The following PPP6R2 variants were observed in gnomAD, a reference collection of about 807,000 sequenced individuals.
PPP6R2 encodes protein phosphatase 6 regulatory subunit 2, also known as serine/threonine-protein phosphatase 6 regulatory subunit 2.
A neutral mutation model predicts 100.2 loss-of-function variants in PPP6R2; 62 were observed. The observed-to-expected ratio is 0.62, with a 90% CI of 0.50 to 0.76. The LOEUF (loss-of-function observed/expected upper bound fraction) is 0.76. Among genes scored for constraint, PPP6R2 ranks in the 30% least tolerant of loss-of-function variants. The pLI, the probability that PPP6R2 is intolerant of heterozygous loss-of-function variation, is 0.00. For synonymous variants in PPP6R2, 525 were observed against 514.7 expected, an observed-to-expected ratio of 1.02 and a Z score of -0.27; for missense variants, 1,142 against 1,276.3, an observed-to-expected ratio of 0.89 and a Z score of 1.60.
rs2065171675 is a variant in PPP6R2 at position 50,439,717 on chromosome 22, A to G, written c.2145A>G (p.Ala715=). The G allele has an allele frequency of 6.2e-7, 1 of 1,604,968 alleles. No homozygotes were observed. Among genetic ancestry groups the G allele is most frequent in the Non-Finnish European group, 8.5e-7 (1 of 1,175,306 alleles). The change falls in exon 20 of 24, where the codon GCA becomes GCG. Residue 715 remains alanine, a synonymous_variant. Transcript: ENST00000612753. Reference sequence around the variant, plus strand: ...CCCCAGCAGGCGCCATGTGGACGGCAGTGTTTGATGAGCCAGCGAACTCAA... The same window carrying G: ...CCCCAGCAGGCGCCATGTGGACGGCGGTGTTTGATGAGCCAGCGAACTCAA... ...EGDSEGAMWT[A]VFDEPANSTP... is the part of the protein sequence containing the mutation.
intron 2 of PPP6R2, among the ~76,000 whole-genome samples, chr22:50,375,449 A>G (rs2051276950): frequency 6.6e-6 from 1 of 152,184 alleles, no homozygotes; most frequent in Admixed American, 6.6e-5. Flanking sequence ...TGAAAAGAAC[A>G]GTAGTTAAGC....
At chr22:50,337,928 G>T in the PPP6R2 span, among the ~76,000 whole-genome samples, 44 of 136,182 alleles carry the variant, frequency 3.2e-4, no homozygotes, top group African/African-American at 1.1e-3. Flanking sequence ...GTGGTGTGTG[G>T]GGTGTGTGCA....
intron 1 of PPP6R2, among the ~76,000 whole-genome samples, chr22:50,353,005 A>G (rs1168300115): frequency 6.6e-6 from 1 of 152,218 alleles, no homozygotes; most frequent in Non-Finnish European, 1.5e-5. Flanking sequence ...TCAGAGCTGC[A>G]GTGAGCTGTG....
chr22:50,331,301 A>AT, the PPP6R2 span, among the ~76,000 whole-genome samples: 6 of 151,960 alleles, frequency 3.9e-5, no homozygotes, highest in African/African-American at 1.5e-4. Context: ...ACACGTTTCC[A>AT]TTTTTTTGGC....
At chr22:50,427,878 G>A (rs933858159) in intron 10 of PPP6R2, among the ~76,000 whole-genome samples, 2 of 152,156 alleles carry the variant, frequency 1.3e-5, no homozygotes, top group African/African-American at 4.8e-5. Flanking sequence ...CTGCTACCTC[G>A]CGTGGCTAAT....
chr22:50,408,502 G>T (rs2059298463), intron 4 of PPP6R2, among the ~76,000 whole-genome samples: 1 of 152,138 alleles, frequency 6.6e-6, no homozygotes, highest in Non-Finnish European at 1.5e-5. Flanking sequence ...AGTGAAGGTC[G>T]CCAGCAGCAG....
the PPP6R2 span, among the ~76,000 whole-genome samples, chr22:50,331,867 G>A: frequency 3.9e-5 from 6 of 152,102 alleles, no homozygotes; most frequent in Non-Finnish European, 8.8e-5. Flanking sequence ...TGATCCACCC[G>A]CCTTGGCCTC....
At chr22:50,406,645 A>T in intron 3 of PPP6R2, 44 bp from the exon 4 acceptor site, 1 of 1,559,382 alleles carries the variant, frequency 6.4e-7, no homozygotes, top group Non-Finnish European at 8.8e-7. Flanking sequence ...TAAGAGTTGG[A>T]GAAGTCTAAT....
In PPP6R2 at chr22:50,443,920, A is replaced by C. The variant is rs781048496; in HGVS notation, c.2634A>C (p.Glu878Asp). 50 of 1,601,396 alleles carry C rather than the reference A, an allele frequency of 3.1e-5. No homozygotes were observed. Among genetic ancestry groups the C allele is most frequent in the Non-Finnish European group, 4.2e-5 (49 of 1,174,408 alleles). ...LLSPACPAPK[E>D]VTAAPAVAVP... ...GCCCTGCCTGCCCCGCGCCAAAGGAAGTGACTGCTGCCCCAGCCGTGGCTG... is the reference window on the plus strand; with the variant it reads ...GCCCTGCCTGCCCCGCGCCAAAGGACGTGACTGCTGCCCCAGCCGTGGCTG... Residue 878 changes from glutamate (E) to aspartate (D), a missense_variant, in exon 23 of 24, where the codon GAA becomes GAC. Glu to Asp is a conservative substitution (Grantham distance 45). Around this residue, in one of 2 missense-constraint regions of PPP6R2, gnomAD observed 550 missense variants for 517.4 expected, o/e 1.06. Coordinates refer to ENST00000612753, the MANE Select transcript of PPP6R2 (RefSeq NM_001242898.2).
chr22:50,417,011 G>A (rs1337340579), intron 6 of PPP6R2, among the ~76,000 whole-genome samples: 2 of 151,846 alleles, frequency 1.3e-5, no homozygotes, highest in Admixed American at 6.6e-5. Context: ...GTCTGTGACC[G>A]AATAGCAAAT....
At position 50,444,336 on chromosome 22, in the gene PPP6R2, A is replaced by T. The variant is rs113014300; in HGVS notation, c.*89A>T. 1.7e-5 allele frequency: 23 copies of T among 1,328,956 alleles called. No individual in the cohort carries two copies. The Admixed American group carries it at 4.6e-4, about 26-fold the overall frequency. 82.3% of individuals were successfully genotyped at this position (1,328,956 alleles called of 1,614,324 possible). A position where few individuals can be genotyped will look rare whatever the true frequency, so the allele number is the denominator to read the frequency against. ...TGGTGATGCAATCTTTTTTTTTTTT[A>T]ATTTAATTTAATTTTAAAATAAATG... is the stretch of plus-strand genomic sequence containing the variant. On this transcript the variant is annotated 3_prime_UTR_variant, in exon 24 of 24. Coordinates refer to ENST00000612753, the MANE Select transcript of PPP6R2 (RefSeq NM_001242898.2).
intron 12 of PPP6R2, among the ~76,000 whole-genome samples, chr22:50,433,214 C>T (rs1260201687): frequency 6.6e-6 from 1 of 151,084 alleles, no homozygotes; most frequent in Non-Finnish European, 1.5e-5. Flanking sequence ...TGGAGGTGAA[C>T]CTGGAGGAGG....
chr22:50,440,462 GGTGA>G (rs56910115), intron 21 of PPP6R2, among the ~76,000 whole-genome samples: 34,626 of 152,104 alleles, frequency 0.23, 4,342 homozygotes, highest in Middle Eastern at 0.33. Flanking sequence ...GAGAGCTCCA[GGTGA>G]GTGACAGCTG....
upstream of PPP6R2, among the ~76,000 whole-genome samples, chr22:50,339,748 TGTG>T (rs375378737): frequency 0.2 from 23,309 of 115,848 alleles, 4,154 homozygotes; most frequent in African/African-American, 0.48. Flanking sequence ...GTATATAGTA[TGTG>T]GTGGTGTGTG....
chr22:50,337,671 TGTGTGTGTGCCATATGTGGTGTG>T, the PPP6R2 span, among the ~76,000 whole-genome samples: 2 of 144,342 alleles, frequency 1.4e-5, no homozygotes, highest in Non-Finnish European at 3.0e-5. Context: ...GTGTGGTGTG[TGTGTGTGTGCCATATGTGGTGTG>T]GTGTGTGTGC....
At chr22:50,439,490 G>A (rs555670544) in intron 19 of PPP6R2, among the ~76,000 whole-genome samples, 1 of 152,268 alleles carries the variant, frequency 6.6e-6, no homozygotes, top group African/African-American at 2.4e-5. Flanking sequence ...CAGGTCACAC[G>A]CCCCATGGGT....
chr22:50,424,656 T>TTTTTG (rs2061834631), intron 10 of PPP6R2, among the ~76,000 whole-genome samples: 1 of 113,126 alleles, frequency 8.8e-6, no homozygotes. Context: ...TTTTTTTTTT[T>TTTTTG]GAGATGGAGT....
Position 50,439,734 on chromosome 22 carries a change from C to T in PPP6R2, c.2162C>T (p.Ala721Val), listed in dbSNP as rs768479453. 2.4e-5 allele frequency: 39 copies of T among 1,610,170 alleles called. No homozygotes were observed. The highest frequency in any genetic ancestry group is 5.3e-5 in the African/African-American group (4 of 74,866). The change falls in exon 20 of 24, where the codon GCG becomes GTG. Residue 721 changes from alanine to valine, a missense_variant. Physicochemically the swap from Ala to Val is moderately conservative, Grantham distance 64. Coordinates refer to ENST00000612753, the MANE Select transcript of PPP6R2 (RefSeq NM_001242898.2). ...AMWTAVFDEPANSTPTAPGVV... is the reference protein window; with the variant it reads ...AMWTAVFDEPVNSTPTAPGVV... ...TGGACGGCAGTGTTTGATGAGCCAG[C>T]GAACTCAACGCCCACAGCCCCAGGA...
chr22:50,427,737 T>G (rs1362874376), intron 10 of PPP6R2, among the ~76,000 whole-genome samples: 1 of 151,874 alleles, frequency 6.6e-6, no homozygotes, highest in East Asian at 1.9e-4. Context: ...GTTTTGTTTT[T>G]TTTGAGACCG....
Sources: allele counts gnomAD v4.1 joint callset (sites outside exome capture counted in the v4.1 genomes callset), GRCh38; gene constraint gnomAD v4.1.1; regional missense constraint gnomAD v4.1.1; transcripts MANE v1.5; gene names NCBI Gene and HGNC (gene_info 2026-07-23, HGNC 2026-07-21).